The following C1QTNF7 variants were observed in gnomAD, a reference collection of about 807,000 sequenced individuals.
C1QTNF7 encodes the protein complement C1q tumor necrosis factor-related protein 7.
C1QTNF7 carries 15 observed loss-of-function variants against 19.6 expected under a neutral mutation model. The observed-to-expected ratio is 0.76, with a 90% CI of 0.51 to 1.18. The LOEUF (loss-of-function observed/expected upper bound fraction) is 1.18, where lower values mean the gene tolerates loss of function less well. C1QTNF7 is among the 50% of genes most tolerant of loss of function. The pLI is 0.00. For synonymous variants in C1QTNF7, 142 were observed against 137.5 expected, an observed-to-expected ratio of 1.03 and a Z score of -0.23; for missense variants, 324 against 359.7, an observed-to-expected ratio of 0.90 and a Z score of 0.80.
chr4:15,387,555 C>A (rs1466548208), intron 1 of C1QTNF7, among the ~76,000 whole-genome samples: 1 of 152,024 alleles, frequency 6.6e-6, no homozygotes, highest in Non-Finnish European at 1.5e-5. Flanking sequence ...TTCTGAAGGA[C>A]AAGAGAAGAA....
At position 15,443,403 on chromosome 4, in the gene C1QTNF7, T is replaced by C. The variant is rs565770485; in HGVS notation, c.*604T>C. 1 of 152,440 alleles carries C rather than the reference T, an allele frequency of 6.6e-6. No homozygotes were observed. The highest frequency in any genetic ancestry group is 1.5e-5 in the Non-Finnish European group (1 of 68,128). The allele number at this position is 152,440 out of a possible 1,614,324, so 9.4% of individuals were successfully genotyped here. A position where few individuals can be genotyped will look rare whatever the true frequency, so the allele number is the denominator to read the frequency against. ...AATGAGTTAAGACAAAGCCCCTACCTATGGGCTAGTGTGTGGTGATCAAAC... is the reference window on the plus strand; with the variant it reads ...AATGAGTTAAGACAAAGCCCCTACCCATGGGCTAGTGTGTGGTGATCAAAC... On this transcript the variant is annotated 3_prime_UTR_variant, in exon 3 of 3. Transcript: ENST00000444304.
At chr4:15,426,287 A>G (rs1712045097), upstream of C1QTNF7, among the ~76,000 whole-genome samples, 1 of 152,204 alleles carries the variant, frequency 6.6e-6, no homozygotes, top group African/African-American at 2.4e-5. Context: ...ATATTTTTCT[A>G]CCCATCACTT....
intron 1 of C1QTNF7, 50 bp downstream of exon 1, chr4:15,428,156 G>A (rs1340033119): frequency 3.5e-6 from 3 of 850,424 alleles, no homozygotes; most frequent in Non-Finnish European, 4.2e-6. Context: ...TAGATGCAAT[G>A]GCCTGTTCTC....
chr4:15,394,866 G>A (rs1263388563), intron 1 of C1QTNF7, among the ~76,000 whole-genome samples: 1 of 152,060 alleles, frequency 6.6e-6, no homozygotes, highest in Non-Finnish European at 1.5e-5. Flanking sequence ...CACCCAAGGG[G>A]ATTCTCATTA....
At chr4:15,374,986 G>T (rs1261060776) in intron 1 of C1QTNF7, among the ~76,000 whole-genome samples, 2 of 151,766 alleles carry the variant, frequency 1.3e-5, no homozygotes, top group Non-Finnish European at 2.9e-5. Flanking sequence ...GTCAGAATCG[G>T]CTTTGCTTGG....
chr4:15,388,415 A>T lies in C1QTNF7; in HGVS notation c.14-47321A>T, dbSNP rs151117237. ...GTTACAACATAAAGAGGGGCCAAGGAGTCAAGTATGTGTTCAGAGAGCAAT... is the reference window on the plus strand; with the variant it reads ...GTTACAACATAAAGAGGGGCCAAGGTGTCAAGTATGTGTTCAGAGAGCAAT... On this transcript the variant is annotated intron_variant, in intron 1 of 2. Transcript: ENST00000295297. Among the ~76,000 whole-genome samples, 224 of 152,306 alleles carry T rather than the reference A, an allele frequency of 1.5e-3. 1 individual carries two copies. The highest frequency in any genetic ancestry group is 5.3e-3 in the African/African-American group (222 of 41,566).
intron 1 of C1QTNF7, among the ~76,000 whole-genome samples, chr4:15,359,727 G>A (rs1364760697): frequency 6.6e-6 from 1 of 152,056 alleles, no homozygotes; most frequent in Non-Finnish European, 1.5e-5. Context: ...CAAAATCCCT[G>A]GAGTTTTCAA....
chr4:15,396,513 T>G (rs899858027), intron 1 of C1QTNF7, among the ~76,000 whole-genome samples: 1 of 152,190 alleles, frequency 6.6e-6, no homozygotes, highest in Non-Finnish European at 1.5e-5. Context: ...AATTATTTAT[T>G]GAGCACCAAG....
chr4:15,433,997 T>A (rs1044381500), intron 1 of C1QTNF7, among the ~76,000 whole-genome samples: 9 of 152,012 alleles, frequency 5.9e-5, no homozygotes, highest in Non-Finnish European at 8.8e-5. Flanking sequence ...TTCCATATAT[T>A]TTTTTTTCAT....
At chr4:15,384,210 G>A (rs1022920354) in intron 1 of C1QTNF7, among the ~76,000 whole-genome samples, 2 of 152,166 alleles carry the variant, frequency 1.3e-5, no homozygotes, top group African/African-American at 4.8e-5. Flanking sequence ...AAGACAGTGA[G>A]CTGATTAAAT....
chr4:15,401,662 T>C (rs1344063246), intron 1 of C1QTNF7, among the ~76,000 whole-genome samples: 1 of 151,924 alleles, frequency 6.6e-6, no homozygotes, highest in African/African-American at 2.4e-5. Context: ...TGAATCAACA[T>C]CGTAGTTTCT....
chr4:15,379,131 A>G (rs1040286328), intron 1 of C1QTNF7, among the ~76,000 whole-genome samples: 9 of 152,244 alleles, frequency 5.9e-5, no homozygotes, highest in Admixed American at 5.9e-4. Flanking sequence ...TAAAACTGCA[A>G]TTCCCCAGAA....
chr4:15,424,690 C>G (rs560148889), upstream of C1QTNF7, among the ~76,000 whole-genome samples: 5 of 152,326 alleles, frequency 3.3e-5, no homozygotes, highest in South Asian at 1.0e-3. Flanking sequence ...TCTCCCTTCT[C>G]CACAACTCTA....
intron 2 of C1QTNF7, among the ~76,000 whole-genome samples, chr4:15,440,702 A>G (rs367756666): frequency 3.8e-4 from 58 of 152,062 alleles, no homozygotes; most frequent in African/African-American, 1.3e-3. Flanking sequence ...CACTGCACCC[A>G]GCCCAGAAGC....
At chr4:15,392,303 C>T (rs1341181921) in intron 1 of C1QTNF7, among the ~76,000 whole-genome samples, 2 of 152,084 alleles carry the variant, frequency 1.3e-5, no homozygotes, top group Admixed American at 6.6e-5. Flanking sequence ...ATCTAGGGGG[C>T]GCTTACTTAA....
intron 1 of C1QTNF7, among the ~76,000 whole-genome samples, chr4:15,347,321 C>A (rs535702600): frequency 1.3e-5 from 2 of 152,292 alleles, no homozygotes; most frequent in South Asian, 4.1e-4. Flanking sequence ...GAATCTCACC[C>A]TTCTTAATGT....
At chr4:15,355,621 T>C (rs1717117844) in intron 1 of C1QTNF7, among the ~76,000 whole-genome samples, 1 of 151,980 alleles carries the variant, frequency 6.6e-6, no homozygotes. Flanking sequence ...AAGACAACTC[T>C]TAAAGGGATG....
At chr4:15,371,268 G>A (rs1446211433) in intron 1 of C1QTNF7, among the ~76,000 whole-genome samples, 6 of 152,242 alleles carry the variant, frequency 3.9e-5, no homozygotes, top group African/African-American at 7.2e-5. Flanking sequence ...TAGCAAAATC[G>A]ACAGGGGAAG....
chr4:15,430,388 C>A (rs1325362993), intron 1 of C1QTNF7, among the ~76,000 whole-genome samples: 1 of 152,110 alleles, frequency 6.6e-6, no homozygotes, highest in Non-Finnish European at 1.5e-5. Flanking sequence ...AGTTCAAGAC[C>A]AACCTGGGTA....
Sources: allele counts gnomAD v4.1 joint callset (sites outside exome capture counted in the v4.1 genomes callset), GRCh38; gene constraint gnomAD v4.1.1; transcripts MANE v1.5; gene names NCBI Gene and HGNC (gene_info 2026-07-23, HGNC 2026-07-21).